USPL1: variants seen among roughly 807,000 people sequenced by gnomAD.
USPL1 encodes the protein ubiquitin specific peptidase like 1.
A neutral mutation model predicts 51.5 loss-of-function variants in USPL1; 27 were observed. The ratio of observed to expected loss-of-function variants is 0.52; its 90% CI spans 0.39 to 0.72. USPL1 has a LOEUF of 0.72. Ranked by LOEUF, USPL1 falls within the 30% of genes least tolerant of loss-of-function variation. The pLI is 0.00. For synonymous variants in USPL1, 451 were observed against 459.6 expected (o/e 0.98, Z 0.24); for missense variants, 1,226 against 1,268.0 (o/e 0.97, Z 0.50).
Position 30,621,224 on chromosome 13 carries a change from G to T in USPL1, c.84G>T (p.Val28=). 4 of 1,589,244 alleles carry T rather than the reference G, an allele frequency of 2.5e-6. No homozygotes were observed. The highest frequency in any genetic ancestry group is 2.4e-5 in the South Asian group (2 of 83,982). The part of the protein sequence containing the change: ...TDIGISSLHM[V]GYLGKNFDSA... ...TAGGGATATCTTCACTCCACATGGT[G>T]GGGTATTTGGGAAAAGTTAGTGAAC... is the stretch of plus-strand genomic sequence containing the variant. Residue 28 remains valine, a synonymous_variant, in exon 2 of 9, where the codon GTG becomes GTT. Transcript: ENST00000255304.
At chr13:30,655,232 C>G (rs529525446) in intron 8 of USPL1, among the ~76,000 whole-genome samples, 2 of 152,156 alleles carry the variant, frequency 1.3e-5, no homozygotes, top group Non-Finnish European at 2.9e-5. Flanking sequence ...CCACCGCACC[C>G]GGCCATATCT....
rs146634198 is a variant in USPL1 at position 30,658,579 on chromosome 13, G to A, written c.2502G>A (p.Ser834=). The change falls in exon 9 of 9, where the codon TCG becomes TCA. Residue 834 remains serine (S), a synonymous_variant. Coordinates refer to ENST00000255304, the MANE Select transcript of USPL1 (RefSeq NM_005800.5). ...PISKPPAGPP[S]SNGTAAHPHA... The stretch of plus-strand genomic sequence containing the variant: ...GTAAGCCACCAGCAGGCCCTCCATC[G>A]TCTAATGGCACAGCTGCCCACCCAC... 2.8e-5 allele frequency: 45 copies of A among 1,614,010 alleles called. No individual in the cohort carries two copies. Among genetic ancestry groups the A allele is most frequent in the Non-Finnish European group, 3.6e-5 (43 of 1,180,040 alleles).
chr13:30,649,455 T>A (rs1566058037), intron 7 of USPL1, among the ~76,000 whole-genome samples: 1 of 152,238 alleles, frequency 6.6e-6, no homozygotes, highest in Admixed American at 6.5e-5. Flanking sequence ...CTTGGACACC[T>A]TATCTCACAT....
rs1178162590 is a variant in USPL1 at position 30,640,751 on chromosome 13, C to T, written c.983-1877C>T. 4.6e-5 allele frequency among the ~76,000 whole-genome samples: 7 copies of T among 152,180 alleles called. No individual in the cohort carries two copies. In the South Asian group the frequency reaches 1.0e-3, roughly 23 times the overall value. ...TTCAAAAGTAGCAGTGAGACTATCCCGCAAAGGTGACTACTAAAATAGCCT... is the reference window on the plus strand; with the variant it reads ...TTCAAAAGTAGCAGTGAGACTATCCTGCAAAGGTGACTACTAAAATAGCCT... On this transcript the variant is annotated intron_variant, in intron 5 of 8. Transcript: ENST00000255304.
In USPL1 at chr13:30,658,591, A is replaced by C; in HGVS notation, c.2514A>C (p.Thr838=). 1 of 1,614,220 alleles carries C rather than the reference A, an allele frequency of 6.2e-7. No individual in the cohort carries two copies. Among genetic ancestry groups the C allele is most frequent in the Non-Finnish European group, 8.5e-7 (1 of 1,180,034 alleles). The part of the protein sequence containing the change: ...PPAGPPSSNG[T]AAHPHAHAAS... ...CAGGCCCTCCATCGTCTAATGGCACAGCTGCCCACCCACATGCTCATGCTG... is the reference window on the plus strand; with the variant it reads ...CAGGCCCTCCATCGTCTAATGGCACCGCTGCCCACCCACATGCTCATGCTG... The change falls in exon 9 of 9, where the codon ACA becomes ACC. Residue 838 remains threonine (T), a synonymous_variant. Transcript: ENST00000255304.
chr13:30,658,447 T>G lies in USPL1; in HGVS notation c.2370T>G (p.Val790=). ...RNTITDLQPS[V]KGVNNFGGFK... ...CTATAACTGATTTACAACCTTCAGT[T>G]AAAGGGGTAAATAATTTTGGTGGCT... Residue 790 remains valine, a synonymous_variant, in exon 9 of 9, where the codon GTT becomes GTG. Coordinates refer to ENST00000255304, the MANE Select transcript of USPL1 (RefSeq NM_005800.5). 1 of 1,613,764 alleles carries G rather than the reference T, an allele frequency of 6.2e-7. No homozygotes were observed. The highest frequency in any genetic ancestry group is 8.5e-7 in the Non-Finnish European group (1 of 1,180,032).
At chr13:30,628,596 T>C (rs1225913738) in intron 3 of USPL1, among the ~76,000 whole-genome samples, 1 of 152,214 alleles carries the variant, frequency 6.6e-6, no homozygotes, top group Admixed American at 6.5e-5. Flanking sequence ...TGTCCGTGTG[T>C]TCTCATTGTT....
chr13:30,636,245 C>T (rs1398363216), intron 4 of USPL1, among the ~76,000 whole-genome samples: 1 of 151,996 alleles, frequency 6.6e-6, no homozygotes, highest in Non-Finnish European at 1.5e-5. Context: ...TTGGAATTAA[C>T]TTTAATTTTA....
At chr13:30,636,014 G>T (rs559827467) in intron 4 of USPL1, among the ~76,000 whole-genome samples, 1 of 152,162 alleles carries the variant, frequency 6.6e-6, no homozygotes, top group East Asian at 1.9e-4. Flanking sequence ...TTATGGTTTT[G>T]TTAGGTAAGA....
chr13:30,637,097 G>A (rs1378182014), intron 4 of USPL1, among the ~76,000 whole-genome samples: 1 of 151,986 alleles, frequency 6.6e-6, no homozygotes. Context: ...CTGGGACTAC[G>A]GGTGGGTACC....
chr13:30,626,606 A>G (rs985238545), intron 3 of USPL1, among the ~76,000 whole-genome samples: 1 of 152,108 alleles, frequency 6.6e-6, no homozygotes, highest in Non-Finnish European at 1.5e-5. Flanking sequence ...ATTATTTCCA[A>G]AGAGTTCCGT....
In USPL1 at chr13:30,642,694, T is replaced by A; in HGVS notation, c.1049T>A (p.Leu350His). 1 of 1,613,986 alleles carries A rather than the reference T, an allele frequency of 6.2e-7. No individual in the cohort carries two copies. Among genetic ancestry groups the A allele is most frequent in the South Asian group, 1.1e-5 (1 of 91,070 alleles). Reference protein sequence around the residue: ...LLKLETHIEKLFLYSFSWDFE... With the variant: ...LLKLETHIEKHFLYSFSWDFE... ...AAACTAGAAACCCACATTGAAAAGCTCTTCCTATATTCTTTTTCTTGGGAC... is the reference window on the plus strand; with the variant it reads ...AAACTAGAAACCCACATTGAAAAGCACTTCCTATATTCTTTTTCTTGGGAC... Residue 350 changes from leucine (L) to histidine (H), a missense_variant, in exon 6 of 9, where the codon CTC (leucine) becomes CAC (histidine). By Grantham distance (99) the Leu-to-His change is moderately conservative. Transcript: ENST00000255304.
intron 4 of USPL1, among the ~76,000 whole-genome samples, chr13:30,637,109 C>T (rs552492990): frequency 6.6e-6 from 1 of 152,062 alleles, no homozygotes; most frequent in Non-Finnish European, 1.5e-5. Context: ...GTGGGTACCA[C>T]CATACCCAGC....
intron 6 of USPL1, among the ~76,000 whole-genome samples, chr13:30,644,688 A>G (rs1303702307): frequency 6.6e-6 from 1 of 152,210 alleles, no homozygotes; most frequent in African/African-American, 2.4e-5. Context: ...TCATCGTGTT[A>G]AAAGCCATGG....
At chr13:30,621,303 A>C (rs959556684) in intron 2 of USPL1, 64 bp downstream of exon 2, 25 of 1,270,320 alleles carry the variant, frequency 2.0e-5, no homozygotes, top group Non-Finnish European at 2.4e-5. Flanking sequence ...TTGAGACTTA[A>C]ATTCAATTTT....
In USPL1 at chr13:30,658,438, A is replaced by G. The variant is rs778375375; in HGVS notation, c.2361A>G (p.Gln787=). The change falls in exon 9 of 9, where the codon CAA becomes CAG. Residue 787 remains glutamine, a synonymous_variant. Coordinates refer to ENST00000255304, the MANE Select transcript of USPL1 (RefSeq NM_005800.5). ...ATAGAAACACTATAACTGATTTACA[A>G]CCTTCAGTTAAAGGGGTAAATAATT... ...AHNRNTITDL[Q]PSVKGVNNFG... The G allele has an allele frequency of 8.1e-6, 13 of 1,613,642 alleles. No individual in the cohort carries two copies. The Admixed American group carries it at 1.2e-4, about 14-fold the overall frequency.
intron 3 of USPL1, among the ~76,000 whole-genome samples, chr13:30,625,339 A>C (rs545920914): frequency 6.6e-6 from 1 of 152,296 alleles, no homozygotes; most frequent in South Asian, 2.1e-4. Context: ...TTTGGGGAGA[A>C]GATCAGGACT....
In USPL1 at chr13:30,626,792, CT is replaced by C. The variant is rs1046390877; in HGVS notation, c.229-4032del. ...GTTTTTAAACAGTAGGAAGTTTTAA[CT>C]TTTTTTTTTTCGTGGAGTAGTCTAT... is the stretch of plus-strand genomic sequence containing the variant. On this transcript the variant is annotated intron_variant, in intron 3 of 8. Transcript: ENST00000255304. 3.9e-3 allele frequency among the ~76,000 whole-genome samples: 567 copies of C among 146,882 alleles called. 2 individuals carry two copies. Among genetic ancestry groups the C allele is most frequent in the African/African-American group, 0.012 (503 of 40,266 alleles).
intron 7 of USPL1, among the ~76,000 whole-genome samples, chr13:30,647,340 T>G (rs990431383): frequency 6.6e-6 from 1 of 152,240 alleles, no homozygotes; most frequent in Middle Eastern, 3.4e-3. Context: ...GCTTCAGTTT[T>G]TCTCTCCTCT....
Sources: allele counts gnomAD v4.1 joint callset (sites outside exome capture counted in the v4.1 genomes callset), GRCh38; gene constraint gnomAD v4.1.1; transcripts MANE v1.5; gene names NCBI Gene and HGNC (gene_info 2026-07-23, HGNC 2026-07-21).